Variants in LYVE1 observed in about 807,000 individuals in gnomAD.
LYVE1 encodes the protein lymphatic vessel endothelial hyaluronan receptor 1.
Under a neutral mutation model 31.5 loss-of-function variants are expected in LYVE1, and 29 were observed. That is an observed-to-expected ratio of 0.92 (90% CI 0.69 to 1.26). The LOEUF is 1.26. LYVE1 is among the 50% of genes most tolerant of loss of function. LYVE1 has a pLI of 0.00. For missense variants in LYVE1, 376 were observed against 380.2 expected (o/e 0.99, Z 0.09); for synonymous variants, 134 against 139.4 (o/e 0.96, Z 0.27).
chr11:10,568,511 C>A lies in LYVE1; in HGVS notation c.22G>T (p.Val8Leu). 2 of 1,613,938 alleles carry A rather than the reference C, an allele frequency of 1.2e-6. No homozygotes were observed. The highest frequency in any genetic ancestry group is 2.2e-5 in the East Asian group (1 of 44,878). ...GTCCAGATGGAAGTGAGAAGCAACA[C>A]CAGGCTGAAGCACCTGGCCATCGTG... MARCFSLVLLLTSIWTTR... is the reference protein window; with the variant it reads MARCFSLLLLLTSIWTTR... Residue 8 changes from valine to leucine, a missense_variant, in exon 1 of 6, where the codon GTG (valine) becomes TTG (leucine). By Grantham distance (32) the Val-to-Leu change is conservative. Transcript: ENST00000256178.
chr11:10,564,127 T>G (rs751033298), intron 2 of LYVE1, 48 bp from the exon 3 acceptor site: 105 of 1,613,962 alleles, frequency 6.5e-5, no homozygotes, highest in Non-Finnish European at 8.6e-5. Flanking sequence ...TTAGAAGGCT[T>G]CATCTCTATT....
At position 10,557,181 on chromosome 11, in the gene LYVE1, C is replaced by T. The variant is rs980993498; in HGVS notation, c.*1930G>A. 5 of 151,954 alleles carry T rather than the reference C, an allele frequency of 3.3e-5. No individual in the cohort carries two copies. Among genetic ancestry groups the T allele is most frequent in the African/African-American group, 1.2e-4 (5 of 41,368 alleles). The allele number at this position is 151,954 out of a possible 1,614,324, so 9.4% of individuals were successfully genotyped here. ...GTTACAAAGTTCATAGGAAAGGGCA[C>T]CTTTACTTTGGCATGAGTGTGCAAC... is the stretch of plus-strand genomic sequence containing the variant. On this transcript the variant is annotated 3_prime_UTR_variant, in exon 6 of 6. Coordinates refer to ENST00000256178, the MANE Select transcript of LYVE1 (RefSeq NM_006691.4).
chr11:10,560,902 G>A (rs1850411789), intron 3 of LYVE1, 102 bp from the exon 4 acceptor site: 2 of 935,068 alleles, frequency 2.1e-6, no homozygotes, highest in Admixed American at 4.6e-5. Flanking sequence ...TACCGCAGCT[G>A]GAATGGTCTT....
intron 3 of LYVE1, among the ~76,000 whole-genome samples, chr11:10,561,427 A>T (rs1031872128): frequency 6.6e-6 from 1 of 152,218 alleles, no homozygotes; most frequent in Non-Finnish European, 1.5e-5. Context: ...TATAGATTGG[A>T]AGACCAAATA....
At chr11:10,563,761 T>G (rs919453334) in intron 3 of LYVE1, among the ~76,000 whole-genome samples, 179 bp downstream of exon 3, 2 of 152,316 alleles carry the variant, frequency 1.3e-5, no homozygotes, top group Non-Finnish European at 2.9e-5. Context: ...CTCTCCTAAC[T>G]TTTTCCTTTG....
At chr11:10,560,010 T>C in intron 4 of LYVE1, 116 bp from the exon 5 acceptor site, 1 of 697,398 alleles carries the variant, frequency 1.4e-6, no homozygotes, top group Non-Finnish European at 2.5e-6. Context: ...ACCTTCTCTG[T>C]AGCCCTTTAT....
At chr11:10,564,845 G>C (rs1172476608) in intron 1 of LYVE1, among the ~76,000 whole-genome samples, 1 of 152,184 alleles carries the variant, frequency 6.6e-6, no homozygotes, top group Non-Finnish European at 1.5e-5. Context: ...TGTCACACTT[G>C]TTATAAAAGA....
At chr11:10,559,774 A>G in intron 5 of LYVE1, 42 bp downstream of exon 5, 1 of 1,570,974 alleles carries the variant, frequency 6.4e-7, no homozygotes, top group Middle Eastern at 1.7e-4. Context: ...GGATAGAAAC[A>G]TGACAAAGAT....
At chr11:10,559,692 G>T in intron 5 of LYVE1, 124 bp downstream of exon 5, 1 of 754,728 alleles carries the variant, frequency 1.3e-6, no homozygotes, top group Non-Finnish European at 2.2e-6. Context: ...AGATGAGGGA[G>T]AAATTTATAT....
chr11:10,567,447 C>A (rs1395108060), intron 1 of LYVE1, among the ~76,000 whole-genome samples: 1 of 152,188 alleles, frequency 6.6e-6, no homozygotes, highest in East Asian at 1.9e-4. Context: ...TCAAAGAGGA[C>A]CAAACTTATT....
intron 1 of LYVE1, among the ~76,000 whole-genome samples, chr11:10,565,853 C>T (rs1850526616): frequency 6.6e-6 from 1 of 152,026 alleles, no homozygotes; most frequent in African/African-American, 2.4e-5. Context: ...TCTTGTTGCC[C>T]AGGCTGGAGT....
rs768324196 is a variant in LYVE1 at position 10,560,785 on chromosome 11, G to C, written c.413C>G (p.Ser138Trp). ...CYNSSDTWTN[S>W]CIPEIITTKD... ...GGTGGTGATAATTTCTGGAATGCACGAGTTAGTCCAAGTATCTGTTGGGAT... is the reference window on the plus strand; with the variant it reads ...GGTGGTGATAATTTCTGGAATGCACCAGTTAGTCCAAGTATCTGTTGGGAT... Residue 138 changes from serine (S) to tryptophan (W), a missense_variant, in exon 4 of 6, where the codon TCG becomes TGG. Coordinates refer to ENST00000256178, the MANE Select transcript of LYVE1 (RefSeq NM_006691.4). The C allele has an allele frequency of 1.9e-6, 3 of 1,610,380 alleles. No individual in the cohort carries two copies. Among genetic ancestry groups the C allele is most frequent in the Admixed American group, 1.7e-5 (1 of 59,896 alleles).
intron 1 of LYVE1, among the ~76,000 whole-genome samples, chr11:10,567,046 A>G (rs1407970753): frequency 6.6e-6 from 1 of 152,236 alleles, no homozygotes; most frequent in Non-Finnish European, 1.5e-5. Flanking sequence ...GGAATCAGAT[A>G]ATAGCATATG....
intron 5 of LYVE1, among the ~76,000 whole-genome samples, 164 bp from the exon 6 acceptor site, chr11:10,559,461 G>A (rs1281452908): frequency 6.6e-6 from 1 of 152,160 alleles, no homozygotes; most frequent in Non-Finnish European, 1.5e-5. Flanking sequence ...CACCTTAATG[G>A]ATTCATTTAA....
chr11:10,559,445 C>T (rs187307008), intron 5 of LYVE1, 148 bp from the exon 6 acceptor site: 3 of 627,944 alleles, frequency 4.8e-6, no homozygotes, highest in East Asian at 5.5e-5. Flanking sequence ...TACATTAAGA[C>T]ATCACCACCT....
intron 1 of LYVE1, among the ~76,000 whole-genome samples, chr11:10,565,433 A>G (rs983619686): frequency 6.6e-6 from 1 of 152,238 alleles, no homozygotes; most frequent in African/African-American, 2.4e-5. Context: ...GGCTTCATCC[A>G]CAAACATCCA....
intron 1 of LYVE1, among the ~76,000 whole-genome samples, chr11:10,565,531 G>T (rs1850518627): frequency 6.6e-6 from 1 of 152,204 alleles, no homozygotes; most frequent in African/African-American, 2.4e-5. Flanking sequence ...CACTTCCTAG[G>T]TTGATATCTA....
rs776311371 is a variant in LYVE1 at position 10,563,926 on chromosome 11, C to A, written c.397+14G>T. The A allele has an allele frequency of 6.2e-7, 1 of 1,614,034 alleles. No homozygotes were observed. The highest frequency in any genetic ancestry group is 1.1e-5 in the South Asian group (1 of 91,088). ...CAGAGAATGCCACGTGGAAAGGTTG[C>A]AGATCAGACTCACCAGATGAGTTGT... is the stretch of plus-strand genomic sequence containing the variant. On this transcript the variant is annotated intron_variant, in intron 3 of 5. Transcript: ENST00000256178.
rs116575936 is a variant in LYVE1, at chr11:10,559,810, C to T, written c.782+6G>A. 0.012 allele frequency: 19,110 copies of T among 1,613,360 alleles called. 161 individuals are homozygous for T. Among genetic ancestry groups the T allele is most frequent in the Non-Finnish European group, 0.013 (15,658 of 1,179,348 alleles). ...TACAAGACTAGCAGTGCACCAACAA[C>T]CCTACCTTTTGACATAGCAAAATCC... On this transcript the variant is annotated splice_donor_region_variant and intron_variant, in intron 5 of 5. Transcript: ENST00000256178.
Sources: gnomAD v4.1 joint callset for allele counts (sites outside exome capture counted in the v4.1 genomes callset) on GRCh38, gnomAD v4.1.1 for gene constraint, MANE v1.5 for transcripts, NCBI Gene and HGNC (gene_info 2026-07-23, HGNC 2026-07-21) for gene names.